EYS: variants seen among roughly 807,000 people sequenced by gnomAD.
EYS encodes the protein protein eyes shut homolog.
EYS carries 250 observed loss-of-function variants against 282.1 expected under a neutral mutation model. That is an observed-to-expected ratio of 0.89 (90% CI 0.80 to 0.98). The LOEUF (loss-of-function observed/expected upper bound fraction) is 0.98, where lower values mean the gene tolerates loss of function less well. EYS is among the 50% of genes least tolerant of loss of function. EYS has a pLI of 0.00. For synonymous variants in EYS, 1,355 were observed against 1,282.9 expected, an observed-to-expected ratio of 1.06 and a Z score of -1.20; for missense variants, 4,016 against 3,709.0, an observed-to-expected ratio of 1.08 and a Z score of -2.15.
chr6:64,700,738 G>T (rs1001224033), intron 22 of EYS, among the ~76,000 whole-genome samples: 2 of 151,750 alleles, frequency 1.3e-5, no homozygotes, highest in Non-Finnish European at 2.9e-5. Context: ...TCAAACAAAT[G>T]AAAAAAACAT....
intron 1 of EYS, among the ~76,000 whole-genome samples, chr6:65,642,633 T>C (rs996271896): frequency 6.6e-6 from 1 of 152,196 alleles, no homozygotes; most frequent in African/African-American, 2.4e-5. Context: ...CTATATTTTT[T>C]AACTATAGAT....
intron 2 of EYS, among the ~76,000 whole-genome samples, chr6:65,608,994 A>T (rs1354981200): frequency 2.0e-5 from 3 of 152,094 alleles, no homozygotes; most frequent in Non-Finnish European, 4.4e-5. Context: ...TTCACAGTTA[A>T]ATCTTTTTTA....
intron 41 of EYS, among the ~76,000 whole-genome samples, chr6:63,749,323 C>T (rs978980587): frequency 6.6e-6 from 1 of 152,136 alleles, no homozygotes; most frequent in African/African-American, 2.4e-5. Flanking sequence ...TGATTTCTTA[C>T]TTCATTGCAC....
At chr6:64,623,943 G>A (rs9452182) in intron 23 of EYS, among the ~76,000 whole-genome samples, 30,208 of 152,082 alleles carry the variant, frequency 0.2, 3,530 homozygotes, top group East Asian at 0.34. Flanking sequence ...TAACTTTAAA[G>A]GGAGGATGGA....
intron 29 of EYS, among the ~76,000 whole-genome samples, chr6:64,315,969 C>T (rs954350821): frequency 5.3e-5 from 8 of 152,170 alleles, no homozygotes; most frequent in Non-Finnish European, 1.2e-4. Context: ...ACAAAAACCA[C>T]ATGATTATCT....
chr6:65,202,832 T>G (rs1015441913), intron 12 of EYS, among the ~76,000 whole-genome samples: 3 of 151,880 alleles, frequency 2.0e-5, no homozygotes, highest in African/African-American at 7.3e-5. Context: ...AATAAGAGGG[T>G]GTATGAGTTG....
chr6:64,355,488 T>G (rs898373941), intron 29 of EYS, among the ~76,000 whole-genome samples: 3 of 151,616 alleles, frequency 2.0e-5, no homozygotes, highest in Non-Finnish European at 4.4e-5. Context: ...ATTGTGTGGG[T>G]ATTTGTATTC....
intron 12 of EYS, among the ~76,000 whole-genome samples, chr6:65,293,316 A>C (rs1401746732): frequency 2.6e-5 from 4 of 151,824 alleles, no homozygotes; most frequent in African/African-American, 9.7e-5. Flanking sequence ...GATATAAATA[A>C]CACTGGAATT....
chr6:64,293,411 A>G (rs1768784779), intron 30 of EYS, among the ~76,000 whole-genome samples: 1 of 152,100 alleles, frequency 6.6e-6, no homozygotes, highest in African/African-American at 2.4e-5. Context: ...AAAGTGGAAA[A>G]TGATCTCTGG....
intron 33 of EYS, among the ~76,000 whole-genome samples, chr6:64,025,621 T>A (rs1005839336): frequency 2.0e-5 from 3 of 152,164 alleles, no homozygotes; most frequent in African/African-American, 7.2e-5. Context: ...CAGAAAGACA[T>A]AATTTTTGCC....
chr6:64,461,739 T>C (rs1456677726), intron 26 of EYS, among the ~76,000 whole-genome samples: 1 of 152,216 alleles, frequency 6.6e-6, no homozygotes, highest in African/African-American at 2.4e-5. Context: ...AGTTTGAATG[T>C]GGACTCATTA....
chr6:64,451,708 C>T (rs147989716), intron 26 of EYS, among the ~76,000 whole-genome samples: 1,578 of 152,218 alleles, frequency 0.01, 27 homozygotes, highest in African/African-American at 0.036. Context: ...GTTCAACATA[C>T]GAAAATCAAT....
At chr6:64,093,323 GA>G (rs1173337210) in intron 31 of EYS, among the ~76,000 whole-genome samples, 1 of 152,120 alleles carries the variant, frequency 6.6e-6, no homozygotes, top group African/African-American at 2.4e-5. Flanking sequence ...GGATGGCATT[GA>G]ATCTATAAAT....
intron 35 of EYS, among the ~76,000 whole-genome samples, chr6:63,922,043 G>C (rs969656786): frequency 1.3e-5 from 2 of 152,114 alleles, no homozygotes; most frequent in Admixed American, 1.3e-4. Context: ...CACAGCCTTC[G>C]AGGAAAGGCT....
intron 24 of EYS, among the ~76,000 whole-genome samples, chr6:64,605,348 C>T (rs369202797): frequency 1.3e-5 from 2 of 151,810 alleles, no homozygotes; most frequent in Admixed American, 6.6e-5. Flanking sequence ...TGCCTGACTA[C>T]GGCCAAGTTC....
chr6:63,939,902 T>C lies in EYS; in HGVS notation c.7055+44481A>G, dbSNP rs184117560. On this transcript the variant is annotated intron_variant, in intron 35 of 42. Transcript: ENST00000503581. ...AATGTAAACAAATGTAAAGATGCAGTATTAAATTATAACTGCATTAAATTA... is the reference window on the plus strand; with the variant it reads ...AATGTAAACAAATGTAAAGATGCAGCATTAAATTATAACTGCATTAAATTA... Among the ~76,000 whole-genome samples, 134 of 152,348 alleles carry C rather than the reference T, an allele frequency of 8.8e-4. 1 individual carries two copies. The highest frequency in any genetic ancestry group is 3.1e-3 in the African/African-American group (130 of 41,586).
rs115236489 is a variant in EYS, at chr6:64,307,167, T to C, written c.6079-85A>G. The C allele has an allele frequency of 0.019, 12,940 of 673,416 alleles. 156 individuals are homozygous for C. The highest frequency in any genetic ancestry group is 0.023 in the Non-Finnish European group (9,232 of 394,296). The allele number at this position is 673,416 out of a possible 1,614,324, so 41.7% of individuals were successfully genotyped here. On this transcript the variant is annotated intron_variant, in intron 29 of 42. Transcript: ENST00000503581. ...TATTCTTGCTTCAAACTGGTCAGGG[T>C]ATGCAACTGGATTTGGAGGCTGATT...
At chr6:65,068,996 T>C (rs1256958126) in intron 12 of EYS, among the ~76,000 whole-genome samples, 1 of 151,964 alleles carries the variant, frequency 6.6e-6, no homozygotes, top group African/African-American at 2.4e-5. Context: ...ACAGAGACAA[T>C]AGAAGGCAGA....
chr6:65,544,856 T>C (rs1562251186), intron 2 of EYS, among the ~76,000 whole-genome samples: 1 of 152,220 alleles, frequency 6.6e-6, no homozygotes, highest in Non-Finnish European at 1.5e-5. Context: ...ATTATTTTAA[T>C]AGATTATTTT....
Sources: gnomAD v4.1 joint callset for allele counts (sites outside exome capture counted in the v4.1 genomes callset) on GRCh38, gnomAD v4.1.1 for gene constraint, MANE v1.5 for transcripts, NCBI Gene and HGNC (gene_info 2026-07-23, HGNC 2026-07-21) for gene names.